The following PRR16 variants were observed in gnomAD, a reference collection of about 807,000 sequenced individuals.
The protein encoded by PRR16 is protein Largen.
In PRR16, 6 loss-of-function variants were observed where a neutral mutation model predicts 18.2. That is an observed-to-expected ratio of 0.33 (90% CI 0.18 to 0.65). PRR16 has a LOEUF of 0.65. PRR16 is among the 30% of genes least tolerant of loss of function. The probability of loss-of-function intolerance (pLI) is 0.74; values close to 1 mark genes in which losing one functional copy is unlikely to be tolerated. For missense variants in PRR16, 412 were observed against 376.6 expected (o/e 1.09, Z -0.78); for synonymous variants, 151 against 147.8 (o/e 1.02, Z -0.16).
At chr5:120,541,695 C>T (rs2112683878) in intron 1 of PRR16, among the ~76,000 whole-genome samples, 1 of 152,172 alleles carries the variant, frequency 6.6e-6, no homozygotes, top group East Asian at 1.9e-4. Context: ...TTCATTTCTG[C>T]CTTCTTTTTT....
intron 1 of PRR16, among the ~76,000 whole-genome samples, chr5:120,494,297 C>G (rs1750167006): frequency 1.3e-5 from 2 of 152,020 alleles, no homozygotes; most frequent in South Asian, 4.2e-4. Flanking sequence ...AGCATCTTTT[C>G]ATTTGCTTAT....
At chr5:120,756,049 CCAGT>C in the PRR16 span, among the ~76,000 whole-genome samples, 1 of 151,980 alleles carries the variant, frequency 6.6e-6, no homozygotes, top group Non-Finnish European at 1.5e-5. Flanking sequence ...TGGAAGGTGA[CCAGT>C]CAGAGGCTGA....
chr5:120,757,063 T>A, the PRR16 span, among the ~76,000 whole-genome samples: 1 of 152,168 alleles, frequency 6.6e-6, no homozygotes, highest in Non-Finnish European at 1.5e-5. Flanking sequence ...CAGCACAATT[T>A]ATTGAACAGG....
intron 1 of PRR16, among the ~76,000 whole-genome samples, chr5:120,485,287 T>C (rs1255116650): frequency 6.6e-6 from 1 of 152,220 alleles, no homozygotes; most frequent in Non-Finnish European, 1.5e-5. Context: ...GAAATGCTTT[T>C]CTTTAAAATG....
intron 1 of PRR16, among the ~76,000 whole-genome samples, chr5:120,685,326 C>A (rs74405923): frequency 0.013 from 1,958 of 152,274 alleles, 15 homozygotes; most frequent in South Asian, 0.018. Flanking sequence ...TCTAAATTGT[C>A]ATAATAGCAC....
intron 1 of PRR16, among the ~76,000 whole-genome samples, chr5:120,615,384 C>CTTTTTTTTTTT (rs10717083): frequency 8.4e-6 from 1 of 119,486 alleles, no homozygotes; most frequent in Non-Finnish European, 1.7e-5. Flanking sequence ...TCTTTCTTTT[C>CTTTTTTTTTTT]TTTTTTTTTT....
At chr5:120,557,361 T>C (rs1271674940) in intron 1 of PRR16, among the ~76,000 whole-genome samples, 1 of 151,970 alleles carries the variant, frequency 6.6e-6, no homozygotes, top group Non-Finnish European at 1.5e-5. Context: ...AATCTAAATG[T>C]ATACTTGCAT....
At chr5:120,711,391 A>AT in the PRR16 span, among the ~76,000 whole-genome samples, 1 of 152,232 alleles carries the variant, frequency 6.6e-6, no homozygotes, top group East Asian at 1.9e-4. Flanking sequence ...TTTTCTGGTG[A>AT]TTAACTATTG....
intron 1 of PRR16, among the ~76,000 whole-genome samples, chr5:120,484,655 T>A (rs1376439733): frequency 5.4e-5 from 8 of 146,882 alleles, no homozygotes; most frequent in South Asian, 2.1e-4. Context: ...ATACACATTT[T>A]TATATATATA....
At chr5:120,501,868 A>G (rs559019433) in intron 1 of PRR16, among the ~76,000 whole-genome samples, 14 of 143,900 alleles carry the variant, frequency 9.7e-5, no homozygotes, top group African/African-American at 3.0e-4. Flanking sequence ...AGGCAGGAGA[A>G]TGGTGTGAAC....
intron 1 of PRR16, among the ~76,000 whole-genome samples, chr5:120,528,091 C>A (rs1751427652): frequency 1.3e-5 from 2 of 152,122 alleles, no homozygotes; most frequent in South Asian, 4.1e-4. Flanking sequence ...TGCTTATATT[C>A]TCCTGCCATG....
downstream of PRR16, among the ~76,000 whole-genome samples, chr5:120,689,624 G>A (rs1382187258): frequency 6.6e-6 from 1 of 152,070 alleles, no homozygotes; most frequent in Non-Finnish European, 1.5e-5. Flanking sequence ...TGAAGGTGAT[G>A]TTTCCACAAA....
the PRR16 span, among the ~76,000 whole-genome samples, chr5:120,700,839 G>C: frequency 3.3e-5 from 5 of 152,098 alleles, no homozygotes; most frequent in South Asian, 8.3e-4. Flanking sequence ...CGAGGCGATC[G>C]GGCAGTGTCA....
At chr5:120,691,703 C>T (rs1757211238), downstream of PRR16, among the ~76,000 whole-genome samples, 1 of 152,122 alleles carries the variant, frequency 6.6e-6, no homozygotes, top group Non-Finnish European at 1.5e-5. Context: ...TGTTATTAGG[C>T]TATGGATATG....
chr5:120,713,863 A>G, the PRR16 span, among the ~76,000 whole-genome samples: 1 of 152,210 alleles, frequency 6.6e-6, no homozygotes, highest in Non-Finnish European at 1.5e-5. Context: ...CCATGAAAGC[A>G]TGTGAATGCA....
chr5:120,750,307 C>G, the PRR16 span, among the ~76,000 whole-genome samples: 1 of 152,142 alleles, frequency 6.6e-6, no homozygotes, highest in South Asian at 2.1e-4. Context: ...CCATAAGATT[C>G]AAGTCAACCA....
the PRR16 span, among the ~76,000 whole-genome samples, chr5:120,720,035 A>G: frequency 2.6e-5 from 4 of 152,010 alleles, no homozygotes; most frequent in African/African-American, 4.8e-5. Flanking sequence ...TCAGTTACTT[A>G]GGCCCAAAGT....
At chr5:120,489,173 T>G (rs1749928391) in intron 1 of PRR16, among the ~76,000 whole-genome samples, 1 of 152,348 alleles carries the variant, frequency 6.6e-6, no homozygotes, top group South Asian at 2.1e-4. Flanking sequence ...TAGGTCCACT[T>G]GGTGCAGAGC....
rs548732937 is a variant in PRR16, at chr5:120,650,087, G to C, written c.160-35867G>C. Reference sequence around the variant, plus strand: ...GCAAAAATTAACTGGGTGTGGCAGCGCGCGTCTGTAGTGGCAGCTACTCAG... The same window carrying C: ...GCAAAAATTAACTGGGTGTGGCAGCCCGCGTCTGTAGTGGCAGCTACTCAG... On this transcript the variant is annotated intron_variant, in intron 1 of 1. Coordinates refer to ENST00000407149, the MANE Select transcript of PRR16 (RefSeq NM_001300783.2). 2.6e-5 allele frequency among the ~76,000 whole-genome samples: 4 copies of C among 151,672 alleles called. No individual in the cohort carries two copies. In the East Asian group the frequency reaches 7.8e-4, roughly 30 times the overall value.
Sources: gnomAD v4.1 joint callset for allele counts (sites outside exome capture counted in the v4.1 genomes callset) on GRCh38, gnomAD v4.1.1 for gene constraint, MANE v1.5 for transcripts, NCBI Gene and HGNC (gene_info 2026-07-23, HGNC 2026-07-21) for gene names.